The following PRKN variants were observed in gnomAD, a reference collection of about 807,000 sequenced individuals.
PRKN encodes parkin RBR E3 ubiquitin protein ligase, also known as E3 ubiquitin-protein ligase parkin.
In PRKN, 56 loss-of-function variants were observed where a neutral mutation model predicts 59.5. The ratio of observed to expected loss-of-function variants is 0.94; its 90% CI spans 0.76 to 1.18. PRKN has a LOEUF of 1.18. Among genes scored for constraint, PRKN ranks in the 50% most tolerant of loss-of-function variants. The pLI is 0.00. For synonymous variants in PRKN, 250 were observed against 222.1 expected (o/e 1.13, Z -1.12); for missense variants, 657 against 596.4 (o/e 1.10, Z -1.06).
intron 9 of PRKN, among the ~76,000 whole-genome samples, chr6:161,415,802 G>C (rs1787823953): frequency 6.6e-6 from 1 of 151,830 alleles, no homozygotes. Context: ...CTGGGAATGA[G>C]AGCCAGGGGT....
rs1477670064 is a variant in PRKN at position 162,359,095 on chromosome 6, T to TATATATATAC, written c.171+84214_171+84215insGTATATATAT. 7.7e-5 allele frequency among the ~76,000 whole-genome samples: 11 copies of TATATATATAC among 141,972 alleles called. No homozygotes were observed. In the East Asian group the frequency reaches 1.0e-3, roughly 13 times the overall value. 93.1% of individuals were successfully genotyped at this position (141,972 alleles called of 152,430 possible). ...AAAAAAAAAAATATATATATATATA[T>TATATATATAC]ATGAAATCACTTTCTTCACATATCT... On this transcript the variant is annotated intron_variant, in intron 2 of 11. Transcript: ENST00000366898.
chr6:162,570,729 G>T (rs551651869), intron 1 of PRKN, among the ~76,000 whole-genome samples: 1 of 152,192 alleles, frequency 6.6e-6, no homozygotes, highest in South Asian at 2.1e-4. Flanking sequence ...AACATCACAT[G>T]TTCTCACTTA....
chr6:162,693,022 C>A (rs573124603), intron 1 of PRKN, among the ~76,000 whole-genome samples: 2 of 152,060 alleles, frequency 1.3e-5, no homozygotes, highest in African/African-American at 4.8e-5. Context: ...AATAAATGCA[C>A]AGAAAAAATA....
chr6:162,184,346 C>T (rs369024457), intron 4 of PRKN, among the ~76,000 whole-genome samples: 32 of 152,284 alleles, frequency 2.1e-4, no homozygotes, highest in Admixed American at 1.2e-3. Context: ...GGGCTTGCCC[C>T]GCTGATATGG....
intron 1 of PRKN, among the ~76,000 whole-genome samples, chr6:162,565,697 A>AATAAATAC (rs375801686): frequency 8.7e-5 from 13 of 148,678 alleles, no homozygotes; most frequent in Non-Finnish European, 1.8e-4. Context: ...TCTCAAAATA[A>AATAAATAC]ATACATACAT....
At chr6:162,416,989 T>G (rs1255192115) in intron 2 of PRKN, among the ~76,000 whole-genome samples, 1 of 152,174 alleles carries the variant, frequency 6.6e-6, no homozygotes, top group Non-Finnish European at 1.5e-5. Flanking sequence ...TTTAAATCTA[T>G]AGCTCTTCTG....
At chr6:162,175,043 G>A (rs1316884127) in intron 4 of PRKN, among the ~76,000 whole-genome samples, 2 of 152,204 alleles carry the variant, frequency 1.3e-5, no homozygotes, top group East Asian at 3.8e-4. Flanking sequence ...GGACTTCACA[G>A]AAAGTTTAAT....
chr6:162,679,962 T>C (rs1779707444), intron 1 of PRKN, among the ~76,000 whole-genome samples: 2 of 152,328 alleles, frequency 1.3e-5, no homozygotes, highest in South Asian at 4.1e-4. Flanking sequence ...ACTCCCTTGC[T>C]CATTGTTTGG....
chr6:161,801,342 A>G (rs2071689817), intron 6 of PRKN, among the ~76,000 whole-genome samples: 1 of 152,176 alleles, frequency 6.6e-6, no homozygotes, highest in Non-Finnish European at 1.5e-5. Flanking sequence ...TGTCCCAGCG[A>G]AGATGTGCAG....
intron 7 of PRKN, among the ~76,000 whole-genome samples, chr6:161,782,761 G>C (rs996112610): frequency 6.6e-6 from 1 of 152,010 alleles, no homozygotes; most frequent in Non-Finnish European, 1.5e-5. Flanking sequence ...GGGCATGGTG[G>C]CATGCACCTG....
chr6:162,579,881 C>A (rs1367431784), intron 1 of PRKN, among the ~76,000 whole-genome samples: 1 of 152,134 alleles, frequency 6.6e-6, no homozygotes, highest in Non-Finnish European at 1.5e-5. Flanking sequence ...TTATGGAATG[C>A]CCTGTTTGCA....
At chr6:161,532,465 C>T (rs1164553741) in intron 9 of PRKN, among the ~76,000 whole-genome samples, 1 of 151,548 alleles carries the variant, frequency 6.6e-6, no homozygotes, top group East Asian at 1.9e-4. Context: ...CTGGACCCAG[C>T]TCCCTACTCA....
chr6:162,430,671 A>G (rs897712563), intron 2 of PRKN, among the ~76,000 whole-genome samples: 3 of 152,136 alleles, frequency 2.0e-5, no homozygotes, highest in African/African-American at 7.2e-5. Context: ...TCCTAAAAAT[A>G]AATTACAGGC....
At chr6:161,449,841 G>C (rs9968801) in intron 9 of PRKN, among the ~76,000 whole-genome samples, 2,053 of 152,048 alleles carry the variant, frequency 0.014, 51 homozygotes, top group African/African-American at 0.047. Flanking sequence ...ATGGGAAAGT[G>C]CAGGAAAACA....
At chr6:162,146,357 T>A (rs927759035) in intron 4 of PRKN, among the ~76,000 whole-genome samples, 1 of 152,036 alleles carries the variant, frequency 6.6e-6, no homozygotes, top group African/African-American at 2.4e-5. Flanking sequence ...AAGTGTGCTG[T>A]AAATTTTATG....
chr6:161,940,766 G>A (rs1583378372), intron 6 of PRKN, among the ~76,000 whole-genome samples: 1 of 152,198 alleles, frequency 6.6e-6, no homozygotes, highest in South Asian at 2.1e-4. Flanking sequence ...TGTGGCAAGG[G>A]AAGAAGGTAC....
At chr6:162,594,837 C>T (rs144609339) in intron 1 of PRKN, among the ~76,000 whole-genome samples, 2 of 152,326 alleles carry the variant, frequency 1.3e-5, no homozygotes, top group East Asian at 3.9e-4. Flanking sequence ...TATAGTTAAG[C>T]TCTTCCTTTC....
chr6:162,349,440 C>T (rs1784535566), intron 2 of PRKN, among the ~76,000 whole-genome samples: 1 of 152,148 alleles, frequency 6.6e-6, no homozygotes. Flanking sequence ...GCACTCCAAC[C>T]TGGGCAAGAG....
intron 2 of PRKN, among the ~76,000 whole-genome samples, chr6:162,398,834 C>G (rs978246470): frequency 6.6e-6 from 1 of 152,190 alleles, no homozygotes; most frequent in African/African-American, 2.4e-5. Context: ...CTAATTTTCA[C>G]TAATTTCTCC....
Sources: gnomAD v4.1 joint callset for allele counts (sites outside exome capture counted in the v4.1 genomes callset) on GRCh38, gnomAD v4.1.1 for gene constraint, MANE v1.5 for transcripts, NCBI Gene and HGNC (gene_info 2026-07-23, HGNC 2026-07-21) for gene names.